The following SLCO6A1 variants were observed in gnomAD, a reference collection of about 807,000 sequenced individuals.
The protein encoded by SLCO6A1 is solute carrier organic anion transporter family member 6A1.
Under a neutral mutation model 72.7 loss-of-function variants are expected in SLCO6A1, and 65 were observed. That is an observed-to-expected ratio of 0.89 (90% CI 0.73 to 1.10). SLCO6A1 has a LOEUF of 1.10. Ranked by LOEUF, SLCO6A1 falls within the 50% of genes least tolerant of loss-of-function variation. The probability of loss-of-function intolerance (pLI) is 0.00; values close to 1 mark genes in which losing one functional copy is unlikely to be tolerated. For synonymous variants in SLCO6A1, 314 were observed against 298.2 expected (o/e 1.05, Z -0.55); for missense variants, 874 against 872.6 (o/e 1.00, Z -0.02).
intron 6 of SLCO6A1, among the ~76,000 whole-genome samples, chr5:102,447,703 T>C (rs1561469139): frequency 6.6e-6 from 1 of 152,306 alleles, no homozygotes; most frequent in South Asian, 2.1e-4. Context: ...TGTATAACTG[T>C]GAGGTTAGTG....
intron 4 of SLCO6A1, among the ~76,000 whole-genome samples, chr5:102,466,594 A>G (rs1751326237): frequency 6.6e-6 from 1 of 152,140 alleles, no homozygotes; most frequent in Non-Finnish European, 1.5e-5. Context: ...TTGAGGAATT[A>G]CCGCACTGTC....
chr5:102,498,159 C>T (rs978368094), intron 1 of SLCO6A1, among the ~76,000 whole-genome samples: 1 of 152,156 alleles, frequency 6.6e-6, no homozygotes, highest in Non-Finnish European at 1.5e-5. Flanking sequence ...AAACTCTGAT[C>T]CCATCCCAGA....
intron 6 of SLCO6A1, among the ~76,000 whole-genome samples, chr5:102,449,934 T>G (rs1750325512): frequency 6.6e-6 from 1 of 152,222 alleles, no homozygotes; most frequent in East Asian, 1.9e-4. Flanking sequence ...CCGATAATAC[T>G]CCCAATTATG....
At chr5:102,494,010 G>T (rs928076263) in intron 1 of SLCO6A1, among the ~76,000 whole-genome samples, 2 of 152,094 alleles carry the variant, frequency 1.3e-5, no homozygotes, top group Non-Finnish European at 2.9e-5. Flanking sequence ...GAACGAAGTC[G>T]AAAGGATACC....
intron 10 of SLCO6A1, among the ~76,000 whole-genome samples, chr5:102,395,726 C>T (rs1747035725): frequency 6.6e-6 from 1 of 152,204 alleles, no homozygotes; most frequent in South Asian, 2.1e-4. Context: ...TTTTAATGAT[C>T]ACCATTCTAA....
chr5:102,493,536 A>G (rs1342828211), intron 1 of SLCO6A1, among the ~76,000 whole-genome samples: 1 of 152,190 alleles, frequency 6.6e-6, no homozygotes, highest in East Asian at 1.9e-4. Flanking sequence ...TACAGTTAAC[A>G]TATTTAACTG....
intron 6 of SLCO6A1, among the ~76,000 whole-genome samples, chr5:102,451,305 G>C (rs1008247060): frequency 6.6e-6 from 1 of 152,150 alleles, no homozygotes; most frequent in African/African-American, 2.4e-5. Context: ...GGGGTGGGTT[G>C]GCTGTGCTAG....
intron 7 of SLCO6A1, among the ~76,000 whole-genome samples, chr5:102,421,227 T>C (rs1268840008): frequency 6.6e-6 from 1 of 151,976 alleles, no homozygotes; most frequent in Non-Finnish European, 1.5e-5. Flanking sequence ...GCAGGAGTTT[T>C]TTTTTTTCAT....
chr5:102,476,045 G>C (rs113270233), intron 3 of SLCO6A1, among the ~76,000 whole-genome samples: 1 of 152,014 alleles, frequency 6.6e-6, no homozygotes, highest in Non-Finnish European at 1.5e-5. Context: ...ATGGACTTTG[G>C]GGACCAGGGG....
chr5:102,488,283 C>A (rs1053693313), intron 1 of SLCO6A1, among the ~76,000 whole-genome samples: 3 of 152,042 alleles, frequency 2.0e-5, no homozygotes, highest in Non-Finnish European at 4.4e-5. Flanking sequence ...AAACAAATCT[C>A]AATGTTTTCA....
chr5:102,480,246 G>GGAGGAAAGC lies in SLCO6A1; in HGVS notation c.546_547insGCTTTCCTC (p.Gly182_Leu183insAlaPheLeu), dbSNP rs774668301. On this transcript the variant is annotated inframe_insertion, in exon 2 of 14. Transcript: ENST00000506729. ...GGAAAAGCACATAAAAGTGATCCAA[G>GGAGGAAAGC]TCCTATTAAAAAGGAGGAAGCTACA... 5.0e-6 allele frequency: 8 copies of GGAGGAAAGC among 1,612,552 alleles called. No individual in the cohort carries two copies. Among genetic ancestry groups the GGAGGAAAGC allele is most frequent in the Admixed American group, 1.7e-5 (1 of 59,896 alleles).
intron 7 of SLCO6A1, among the ~76,000 whole-genome samples, chr5:102,428,507 C>T (rs1026380963): frequency 1.3e-5 from 2 of 151,992 alleles, no homozygotes; most frequent in South Asian, 4.2e-4. Context: ...GGACATATTA[C>T]TTTTATTTTA....
At chr5:102,442,410 AT>A (rs1198799032) in intron 6 of SLCO6A1, among the ~76,000 whole-genome samples, 2 of 152,148 alleles carry the variant, frequency 1.3e-5, no homozygotes, top group African/African-American at 4.8e-5. Context: ...AATAATGTCT[AT>A]TTTTTTGAGT....
rs1183710212 is a variant in SLCO6A1, at chr5:102,473,901, A to G, written c.899+1796T>C. 2.6e-5 allele frequency among the ~76,000 whole-genome samples: 4 copies of G among 152,080 alleles called. No homozygotes were observed. The East Asian group carries it at 5.8e-4, about 22-fold the overall frequency. The stretch of plus-strand genomic sequence containing the variant: ...ATTGCAAACTATAAAACATTATTGA[A>G]AAAAATTAAAGACACAAATAGATGT... On this transcript the variant is annotated intron_variant, in intron 4 of 13. Transcript: ENST00000506729.
At chr5:102,495,548 T>C (rs1752872459) in intron 1 of SLCO6A1, among the ~76,000 whole-genome samples, 1 of 152,108 alleles carries the variant, frequency 6.6e-6, no homozygotes, top group Non-Finnish European at 1.5e-5. Context: ...TGAGCCGAGA[T>C]CACATCATTG....
At chr5:102,420,838 A>C (rs1454421331) in intron 7 of SLCO6A1, among the ~76,000 whole-genome samples, 2 of 152,212 alleles carry the variant, frequency 1.3e-5, no homozygotes, top group East Asian at 3.9e-4. Flanking sequence ...AAGATAAATG[A>C]CATAAAGAGC....
Position 102,421,262 on chromosome 5 carries a change from G to A in SLCO6A1, c.1277-1241C>T, listed in dbSNP as rs963826136. 1.1e-4 allele frequency among the ~76,000 whole-genome samples: 17 copies of A among 152,076 alleles called. No individual in the cohort carries two copies. In the East Asian group the frequency reaches 2.9e-3, roughly 26 times the overall value. On this transcript the variant is annotated intron_variant, in intron 7 of 13. Coordinates refer to ENST00000506729, the MANE Select transcript of SLCO6A1 (RefSeq NM_173488.5). ...TACCCCAGTGGCACCTGGAACCCCA[G>A]TGAGACAGAACTGTTCACTCCCCTG...
At position 102,450,882 on chromosome 5, in the gene SLCO6A1, C is replaced by T. The variant is rs1045888736; in HGVS notation, c.1131+7500G>A. Among the ~76,000 whole-genome samples, 4 of 152,202 alleles carry T rather than the reference C, an allele frequency of 2.6e-5. No individual in the cohort carries two copies. In the South Asian group the frequency reaches 6.2e-4, roughly 24 times the overall value. Reference sequence around the variant, plus strand: ...CCATGGCATGCTGGAGGTGTGAGTACAGCACTCAGACCCTTTATCTCTTTG... The same window carrying T: ...CCATGGCATGCTGGAGGTGTGAGTATAGCACTCAGACCCTTTATCTCTTTG... On this transcript the variant is annotated intron_variant, in intron 6 of 13. Coordinates refer to ENST00000506729, the MANE Select transcript of SLCO6A1 (RefSeq NM_173488.5).
chr5:102,456,217 AC>A (rs1561476669), intron 6 of SLCO6A1, among the ~76,000 whole-genome samples: 2 of 152,158 alleles, frequency 1.3e-5, no homozygotes, highest in Non-Finnish European at 2.9e-5. Flanking sequence ...GCCCTCTCTC[AC>A]CACTCCTATT....
Sources: gnomAD v4.1 joint callset for allele counts (sites outside exome capture counted in the v4.1 genomes callset) on GRCh38, gnomAD v4.1.1 for gene constraint, MANE v1.5 for transcripts, NCBI Gene and HGNC (gene_info 2026-07-23, HGNC 2026-07-21) for gene names.